Variants in PCBP3 observed in about 807,000 individuals in gnomAD.
PCBP3 encodes poly(rC)-binding protein 3.
In PCBP3, 25 loss-of-function variants were observed where a neutral mutation model predicts 52.7. The observed-to-expected ratio is 0.47, with a 90% CI of 0.35 to 0.66. PCBP3 has a LOEUF of 0.66. Among genes scored for constraint, PCBP3 ranks in the 30% least tolerant of loss-of-function variants. The probability of loss-of-function intolerance (pLI) is 0.01; values close to 1 mark genes in which losing one functional copy is unlikely to be tolerated. For synonymous variants in PCBP3, 162 were observed against 183.0 expected, an observed-to-expected ratio of 0.89 and a Z score of 0.93; for missense variants, 391 against 490.3, an observed-to-expected ratio of 0.80 and a Z score of 1.91.
chr21:45,700,167 C>G (rs762089867), intron 2 of PCBP3, among the ~76,000 whole-genome samples: 1 of 152,174 alleles, frequency 6.6e-6, no homozygotes, highest in Non-Finnish European at 1.5e-5. Context: ...GGTGCTTCTG[C>G]TCTGAGACAG....
At chr21:45,740,224 T>A (rs1460979285) in intron 3 of PCBP3, among the ~76,000 whole-genome samples, 1 of 152,220 alleles carries the variant, frequency 6.6e-6, no homozygotes. Flanking sequence ...CCCTCGCTGT[T>A]AGCTCAGGAC....
At chr21:45,752,699 G>A (rs1457321534) in intron 3 of PCBP3, among the ~76,000 whole-genome samples, 2 of 151,864 alleles carry the variant, frequency 1.3e-5, no homozygotes, top group Non-Finnish European at 2.9e-5. Context: ...TGATCTCTGT[G>A]TTTGCAGTCA....
chr21:45,685,535 A>G (rs1368479868), intron 2 of PCBP3, among the ~76,000 whole-genome samples: 1 of 152,236 alleles, frequency 6.6e-6, no homozygotes, highest in African/African-American at 2.4e-5. Flanking sequence ...AGAAAACTGG[A>G]AAAATATATA....
At chr21:45,929,578 TC>T (rs1426424459) in intron 13 of PCBP3, among the ~76,000 whole-genome samples, 1 of 152,176 alleles carries the variant, frequency 6.6e-6, no homozygotes, top group Non-Finnish European at 1.5e-5. Flanking sequence ...GCTCCTGGAC[TC>T]CCCCAGACTC....
intron 7 of PCBP3, 54 bp from the exon 8 acceptor site, chr21:45,900,537 C>A: frequency 1.4e-6 from 2 of 1,453,354 alleles, no homozygotes; most frequent in Non-Finnish European, 1.9e-6. Context: ...TGGGCCGCGC[C>A]GTCCTCAGAG....
In PCBP3 at chr21:45,776,070, A is replaced by C. The variant is rs201138218; in HGVS notation, c.-126+20618A>C. On this transcript the variant is annotated intron_variant, in intron 4 of 17. Transcript: ENST00000681687. Reference sequence around the variant, plus strand: ...TGTTTCAAGGATTTTTTTTATTTTCATTTTTTCTTTATTGACCCAGGAACA... The same window carrying C: ...TGTTTCAAGGATTTTTTTTATTTTCCTTTTTTCTTTATTGACCCAGGAACA... Among the ~76,000 whole-genome samples the C allele has an allele frequency of 3.3e-5, 5 of 150,646 alleles. No homozygotes were observed. In the East Asian group the frequency reaches 9.8e-4, roughly 29 times the overall value.
At chr21:45,894,667 T>G (rs1236779680) in intron 5 of PCBP3, among the ~76,000 whole-genome samples, 1 of 152,236 alleles carries the variant, frequency 6.6e-6, no homozygotes, top group African/African-American at 2.4e-5. Flanking sequence ...CTCTGTGCTT[T>G]TCCCCCAGTA....
chr21:45,734,799 A>G (rs1208983331), intron 2 of PCBP3, among the ~76,000 whole-genome samples: 4 of 152,154 alleles, frequency 2.6e-5, no homozygotes, highest in Non-Finnish European at 5.9e-5. Flanking sequence ...TGGGAGAGTC[A>G]TCCCAGTCTC....
At chr21:45,670,006 C>T (rs2081075795) in intron 2 of PCBP3, among the ~76,000 whole-genome samples, 3 of 151,662 alleles carry the variant, frequency 2.0e-5, no homozygotes, top group African/African-American at 7.3e-5. Flanking sequence ...AGATCATATG[C>T]TAATACTTTT....
intron 4 of PCBP3, among the ~76,000 whole-genome samples, chr21:45,781,831 T>G (rs1299983877): frequency 1.3e-5 from 2 of 152,244 alleles, no homozygotes; most frequent in Non-Finnish European, 2.9e-5. Context: ...ATTTACAATA[T>G]GTACATTTTA....
At chr21:45,646,103 CTCTCTGTGTGTGTG>C (rs1284150581) in intron 1 of PCBP3, among the ~76,000 whole-genome samples, 1,586 of 76,828 alleles carry the variant, frequency 0.021, 36 homozygotes, top group African/African-American at 0.06. Context: ...CTCTCTCTCT[CTCTCTGTGTGTGTG>C]TGTGTGTGTG....
chr21:45,656,437 GA>G lies in PCBP3; in HGVS notation c.-278-12435del, dbSNP rs1315233132. Reference sequence around the variant, plus strand: ...ATGTTCTCACTCATAAGTGGGAGTTGAACAATGAGAACACATGGACACAGGG... The same window carrying G: ...ATGTTCTCACTCATAAGTGGGAGTTGACAATGAGAACACATGGACACAGGG... On this transcript the variant is annotated intron_variant, in intron 1 of 17. Transcript: ENST00000681687. The surrounding 1 kb of genome is among the most constrained non-coding windows in gnomAD (Gnocchi z 4.3). Among the ~76,000 whole-genome samples, 1 of 152,092 alleles carries G rather than the reference GA, an allele frequency of 6.6e-6. No individual in the cohort carries two copies. The highest frequency in any genetic ancestry group is 1.5e-5 in the Non-Finnish European group (1 of 68,024).
At chr21:45,826,753 G>A (rs1239376089) in intron 4 of PCBP3, among the ~76,000 whole-genome samples, 1 of 152,208 alleles carries the variant, frequency 6.6e-6, no homozygotes, top group Non-Finnish European at 1.5e-5. Flanking sequence ...GGAAACGCCA[G>A]TGGGTACAGG....
chr21:45,939,938 CCGTCCCACCGGCCCCCTCG>C lies in PCBP3; in HGVS notation c.910-91_910-73del, dbSNP rs2077281790. 8.3e-6 allele frequency: 10 copies of C among 1,198,598 alleles called. No homozygotes were observed. The South Asian group carries it at 1.2e-4, about 15-fold the overall frequency. 74.2% of individuals were successfully genotyped at this position (1,198,598 alleles called of 1,614,324 possible). Reference sequence around the variant, plus strand: ...TGGGGCAGAGTCCAAGGCTGGCGGCCCGTCCCACCGGCCCCCTCGGGCGCACTGCCCACAGTCTTCAGGG... The same window carrying C: ...TGGGGCAGAGTCCAAGGCTGGCGGCCGGCGCACTGCCCACAGTCTTCAGGG... On this transcript the variant is annotated intron_variant, in intron 16 of 17. Transcript: ENST00000681687.
chr21:45,706,578 A>G (rs943687313), intron 2 of PCBP3, among the ~76,000 whole-genome samples: 1 of 151,758 alleles, frequency 6.6e-6, no homozygotes, highest in African/African-American at 2.4e-5. Context: ...ACTGCTGCCC[A>G]TGTACTGTAA....
intron 1 of PCBP3, among the ~76,000 whole-genome samples, chr21:45,655,662 A>G (rs1428248516): frequency 7.9e-5 from 12 of 152,218 alleles, no homozygotes; most frequent in Admixed American, 7.2e-4. Context: ...AACAAATGGG[A>G]TCTAATTAAA....
At chr21:45,812,078 C>T (rs1416087387) in intron 4 of PCBP3, among the ~76,000 whole-genome samples, 2 of 152,128 alleles carry the variant, frequency 1.3e-5, no homozygotes, top group Non-Finnish European at 2.9e-5. Context: ...TTATATTACA[C>T]CTTTTCACAT....
intron 3 of PCBP3, among the ~76,000 whole-genome samples, chr21:45,743,237 A>G (rs1426455563): frequency 6.6e-6 from 1 of 152,210 alleles, no homozygotes; most frequent in Non-Finnish European, 1.5e-5. Context: ...GTTTTTATAT[A>G]TTTGAATGTG....
At chr21:45,725,448 C>T (rs926385074) in intron 2 of PCBP3, among the ~76,000 whole-genome samples, 18 of 152,226 alleles carry the variant, frequency 1.2e-4, no homozygotes, top group African/African-American at 3.6e-4. Context: ...CCCTGGGCCT[C>T]GCAGCAAGCT....
Sources: allele counts gnomAD v4.1 joint callset (sites outside exome capture counted in the v4.1 genomes callset), GRCh38; gene constraint gnomAD v4.1.1; non-coding constraint Gnocchi (gnomAD v3.1); transcripts MANE v1.5; gene names NCBI Gene and HGNC (gene_info 2026-07-23, HGNC 2026-07-21).